The following DGKI variants were observed in gnomAD, a reference collection of about 807,000 sequenced individuals.
DGKI encodes diacylglycerol kinase iota.
DGKI carries 55 observed loss-of-function variants against 147.5 expected under a neutral mutation model. The ratio of observed to expected loss-of-function variants is 0.37; its 90% CI spans 0.30 to 0.47. The LOEUF (loss-of-function observed/expected upper bound fraction) is 0.47, where lower values mean the gene tolerates loss of function less well. Among genes scored for constraint, DGKI ranks in the 20% least tolerant of loss-of-function variants. The probability of loss-of-function intolerance (pLI) is 1.00; values close to 1 mark genes in which losing one functional copy is unlikely to be tolerated. For synonymous variants in DGKI, 469 were observed against 477.1 expected, an observed-to-expected ratio of 0.98 and a Z score of 0.22; for missense variants, 1,007 against 1,323.8, an observed-to-expected ratio of 0.76 and a Z score of 3.71.
At chr7:137,523,308 C>T (rs6964340) in intron 20 of DGKI, among the ~76,000 whole-genome samples, 4,874 of 152,110 alleles carry the variant, frequency 0.032, 215 homozygotes, top group East Asian at 0.11. Context: ...TCTAAAGCCT[C>T]ATTTTAGTGC....
chr7:137,602,204 T>C (rs756873759), intron 10 of DGKI, among the ~76,000 whole-genome samples: 26 of 152,236 alleles, frequency 1.7e-4, no homozygotes, highest in Non-Finnish European at 3.1e-4. Flanking sequence ...GAATTGTTGA[T>C]GTTAATTACT....
intron 5 of DGKI, among the ~76,000 whole-genome samples, chr7:137,651,045 G>T (rs185605697): frequency 6.6e-6 from 1 of 152,334 alleles, no homozygotes; most frequent in East Asian, 1.9e-4. Flanking sequence ...CAGAGGGTTT[G>T]CTTTTGCTCT....
At chr7:137,833,256 T>C (rs1022587160) in intron 1 of DGKI, among the ~76,000 whole-genome samples, 23 of 152,262 alleles carry the variant, frequency 1.5e-4, no homozygotes, top group African/African-American at 5.5e-4. Flanking sequence ...GGTAAAGACA[T>C]ACCCGAGACT....
intron 1 of DGKI, among the ~76,000 whole-genome samples, chr7:137,713,555 A>G (rs1235197695): frequency 6.6e-6 from 1 of 152,202 alleles, no homozygotes; most frequent in African/African-American, 2.4e-5. Flanking sequence ...TTCTAATTCT[A>G]CATAAAACAT....
chr7:137,772,023 C>T (rs1195114547), intron 1 of DGKI: 1 of 152,164 alleles, frequency 6.6e-6, no homozygotes, highest in Admixed American at 6.5e-5. Context: ...TGTGTGCATT[C>T]GTGTCCGTAA....
intron 17 of DGKI, among the ~76,000 whole-genome samples, chr7:137,573,777 G>A (rs1461568511): frequency 1.3e-5 from 2 of 152,220 alleles, no homozygotes; most frequent in African/African-American, 4.8e-5. Flanking sequence ...TCTCAGCCTA[G>A]CTTGGCCTCA....
chr7:137,500,960 GTTAT>G (rs1192482032), intron 21 of DGKI, among the ~76,000 whole-genome samples: 8 of 151,840 alleles, frequency 5.3e-5, no homozygotes, highest in Admixed American at 2.0e-4. Flanking sequence ...AACCATAAAG[GTTAT>G]TTATTCTATC....
At chr7:137,563,164 T>C (rs1037546728) in intron 19 of DGKI, among the ~76,000 whole-genome samples, 1 of 151,466 alleles carries the variant, frequency 6.6e-6, no homozygotes, top group African/African-American at 2.4e-5. Context: ...AAATTGTATG[T>C]CAATTTCACA....
intron 12 of DGKI, among the ~76,000 whole-genome samples, chr7:137,593,392 C>T (rs1469672181): frequency 6.6e-6 from 1 of 152,154 alleles, no homozygotes; most frequent in Non-Finnish European, 1.5e-5. Flanking sequence ...ACAAATTTAT[C>T]ACATGACCAA....
chr7:137,599,798 C>A (rs1286793984), intron 11 of DGKI, 25 bp downstream of exon 11: 8 of 1,608,348 alleles, frequency 5.0e-6, no homozygotes, highest in Non-Finnish European at 6.0e-6. Flanking sequence ...TACATATGGA[C>A]CATGGAGAAT....
At chr7:137,660,217 C>T (rs755226221) in intron 3 of DGKI, among the ~76,000 whole-genome samples, 4 of 151,966 alleles carry the variant, frequency 2.6e-5, no homozygotes, top group East Asian at 1.9e-4. Context: ...GTGTGTGGTA[C>T]GGGGTGGGCA....
At chr7:137,785,807 G>C (rs1397839961) in intron 1 of DGKI, among the ~76,000 whole-genome samples, 1 of 151,916 alleles carries the variant, frequency 6.6e-6, no homozygotes, top group East Asian at 1.9e-4. Context: ...AGGGATGCAG[G>C]GATGGTTTAA....
At chr7:137,829,046 T>C (rs983649830) in intron 1 of DGKI, among the ~76,000 whole-genome samples, 3 of 152,208 alleles carry the variant, frequency 2.0e-5, no homozygotes, top group African/African-American at 7.2e-5. Context: ...ACCTTTATTC[T>C]ACCTCCAAGT....
chr7:137,668,148 G>A (rs1294823000), intron 3 of DGKI, among the ~76,000 whole-genome samples: 2 of 152,186 alleles, frequency 1.3e-5, no homozygotes, highest in East Asian at 3.8e-4. Context: ...CAAGACTGAT[G>A]AGGATAGATA....
At chr7:137,593,233 G>C (rs916101652) in intron 12 of DGKI, among the ~76,000 whole-genome samples, 3 of 152,192 alleles carry the variant, frequency 2.0e-5, no homozygotes, top group Non-Finnish European at 2.9e-5. Flanking sequence ...GAGCCAGATA[G>C]ATAGGGACCA....
intron 8 of DGKI, among the ~76,000 whole-genome samples, chr7:137,619,105 C>T (rs777855616): frequency 1.3e-5 from 2 of 152,100 alleles, no homozygotes; most frequent in Non-Finnish European, 2.9e-5. Flanking sequence ...GTCTCTCTTC[C>T]CATAGCATTA....
At chr7:137,812,433 T>C (rs796778319) in intron 1 of DGKI, among the ~76,000 whole-genome samples, 12 of 152,322 alleles carry the variant, frequency 7.9e-5, no homozygotes, top group African/African-American at 2.9e-4. Flanking sequence ...ACACTCAACC[T>C]CTTAATTAGT....
intron 14 of DGKI, among the ~76,000 whole-genome samples, chr7:137,584,697 A>G (rs1310854082): frequency 6.6e-6 from 1 of 152,184 alleles, no homozygotes; most frequent in African/African-American, 2.4e-5. Context: ...ATCTAAAATA[A>G]AAGTCAATTT....
intron 1 of DGKI, among the ~76,000 whole-genome samples, chr7:137,733,636 G>T (rs112204066): frequency 0.013 from 1,905 of 152,156 alleles, 55 homozygotes; most frequent in African/African-American, 0.043. Context: ...ATAAAACAAA[G>T]AACTCTGCTT....
Sources: gnomAD v4.1 joint callset for allele counts (sites outside exome capture counted in the v4.1 genomes callset) on GRCh38, gnomAD v4.1.1 for gene constraint, MANE v1.5 for transcripts, NCBI Gene and HGNC (gene_info 2026-07-23, HGNC 2026-07-21) for gene names.